Variants in SLC9A9 observed in about 807,000 individuals in gnomAD.
SLC9A9 encodes the protein sodium/hydrogen exchanger 9.
Under a neutral mutation model 77.8 loss-of-function variants are expected in SLC9A9, and 62 were observed. The ratio of observed to expected loss-of-function variants is 0.80; its 90% CI spans 0.65 to 0.98. The LOEUF (loss-of-function observed/expected upper bound fraction) is 0.98, where lower values mean the gene tolerates loss of function less well. Among genes scored for constraint, SLC9A9 ranks in the 50% least tolerant of loss-of-function variants. The pLI, the probability that SLC9A9 is intolerant of heterozygous loss-of-function variation, is 0.00. For missense variants in SLC9A9, 775 were observed against 774.9 expected (o/e 1.00, Z 0.00); for synonymous variants, 320 against 283.5 (o/e 1.13, Z -1.29).
At chr3:143,456,010 G>A (rs528400523) in intron 12 of SLC9A9, among the ~76,000 whole-genome samples, 83 of 151,816 alleles carry the variant, frequency 5.5e-4, no homozygotes, top group African/African-American at 2.0e-3. Flanking sequence ...AAAGCATTTG[G>A]CTTTTCACTA....
In SLC9A9 at chr3:143,372,316, T is replaced by C. The variant is rs561748100; in HGVS notation, c.1525-8753A>G. On this transcript the variant is annotated intron_variant, in intron 13 of 15. Transcript: ENST00000316549. ...CACATTACTGGACTTCCAATTATAC[T>C]ACCAAGGCTACAGTTACCAAAACAG... 2.1e-4 allele frequency among the ~76,000 whole-genome samples: 32 copies of C among 152,284 alleles called. 2 individuals carry two copies. Among genetic ancestry groups the C allele is most frequent in the African/African-American group, 7.0e-4 (29 of 41,582 alleles).
At chr3:143,496,783 G>C (rs1054497479) in intron 9 of SLC9A9, among the ~76,000 whole-genome samples, 1 of 152,200 alleles carries the variant, frequency 6.6e-6, no homozygotes, top group African/African-American at 2.4e-5. Context: ...AGATTTGGCT[G>C]TTGTCTTAAT....
intron 12 of SLC9A9, among the ~76,000 whole-genome samples, chr3:143,430,940 T>C (rs2108535793): frequency 6.6e-6 from 1 of 152,276 alleles, no homozygotes; most frequent in South Asian, 2.1e-4. Flanking sequence ...CAGCACTCTT[T>C]AGAACCAGCA....
intron 5 of SLC9A9, among the ~76,000 whole-genome samples, chr3:143,689,742 T>C (rs949925006): frequency 6.6e-6 from 1 of 151,972 alleles, no homozygotes; most frequent in Admixed American, 6.6e-5. Flanking sequence ...TATAAGGAGA[T>C]CTCCAAAATA....
chr3:143,804,788 G>T (rs927818444), intron 2 of SLC9A9, among the ~76,000 whole-genome samples: 1 of 152,162 alleles, frequency 6.6e-6, no homozygotes. Flanking sequence ...ATTGCTCTAG[G>T]TACTGGAATA....
intron 6 of SLC9A9, among the ~76,000 whole-genome samples, chr3:143,610,424 G>C (rs2038005889): frequency 6.6e-6 from 1 of 152,214 alleles, no homozygotes; most frequent in African/African-American, 2.4e-5. Context: ...TGGGATTACA[G>C]GCATGGGCCA....
chr3:143,492,909 A>C (rs947541696), intron 11 of SLC9A9, among the ~76,000 whole-genome samples: 3 of 152,240 alleles, frequency 2.0e-5, no homozygotes, highest in African/African-American at 4.8e-5. Flanking sequence ...GGATCTCTGC[A>C]AAAGGTCTTT....
chr3:143,269,931 C>A (rs893238543), intron 14 of SLC9A9, among the ~76,000 whole-genome samples: 1 of 152,204 alleles, frequency 6.6e-6, no homozygotes, highest in Non-Finnish European at 1.5e-5. Flanking sequence ...CCATCCATAG[C>A]TGGATAATTC....
At chr3:143,433,329 A>T (rs1252323805) in intron 12 of SLC9A9, among the ~76,000 whole-genome samples, 1 of 152,112 alleles carries the variant, frequency 6.6e-6, no homozygotes, top group East Asian at 1.9e-4. Flanking sequence ...CAGCATGAAG[A>T]TTTATTTTCA....
intron 5 of SLC9A9, among the ~76,000 whole-genome samples, chr3:143,652,785 A>ACG (rs2038820768): frequency 1.5e-5 from 2 of 132,936 alleles, no homozygotes; most frequent in Non-Finnish European, 3.4e-5. Context: ...AAATACACAC[A>ACG]CACACACACA....
intron 8 of SLC9A9, 73 bp from the exon 9 acceptor site, chr3:143,552,523 A>C (rs1525861): frequency 0.098 from 125,969 of 1,290,424 alleles, 7,709 homozygotes; most frequent in African/African-American, 0.23. Flanking sequence ...GGGCTATTCC[A>C]GTTGGAAAAT....
At chr3:143,417,480 T>C (rs1273201666) in intron 12 of SLC9A9, among the ~76,000 whole-genome samples, 1 of 65,590 alleles carries the variant, frequency 1.5e-5, no homozygotes, top group East Asian at 4.7e-4. Context: ...AAAGGGAGAA[T>C]GGAGCGGGGG....
chr3:143,528,549 T>C (rs1329303757), intron 9 of SLC9A9, among the ~76,000 whole-genome samples: 1 of 152,176 alleles, frequency 6.6e-6, no homozygotes, highest in South Asian at 2.1e-4. Flanking sequence ...CCGGTAGTAG[T>C]TGGTCACCCT....
At chr3:143,740,430 T>C (rs1410935751) in intron 4 of SLC9A9, among the ~76,000 whole-genome samples, 1 of 152,214 alleles carries the variant, frequency 6.6e-6, no homozygotes, top group Non-Finnish European at 1.5e-5. Flanking sequence ...TCAATTTTCA[T>C]TAATATGGCT....
At chr3:143,452,702 T>C (rs1660481) in intron 12 of SLC9A9, among the ~76,000 whole-genome samples, 74,507 of 146,518 alleles carry the variant, frequency 0.51, 19,101 homozygotes, top group African/African-American at 0.65. Context: ...CTAGGTGCAA[T>C]GACGGTACTT....
chr3:143,569,121 A>C (rs1284093072), intron 8 of SLC9A9, among the ~76,000 whole-genome samples: 1 of 151,948 alleles, frequency 6.6e-6, no homozygotes, highest in Non-Finnish European at 1.5e-5. Flanking sequence ...TTAATCTAAA[A>C]ATTTAATGTA....
intron 4 of SLC9A9, among the ~76,000 whole-genome samples, chr3:143,699,082 C>A (rs888668973): frequency 2.0e-5 from 3 of 152,174 alleles, no homozygotes; most frequent in Non-Finnish European, 2.9e-5. Context: ...TGTTCAAGGG[C>A]AATCCCTCTC....
intron 5 of SLC9A9, among the ~76,000 whole-genome samples, chr3:143,660,700 GC>G (rs2038964802): frequency 6.6e-6 from 1 of 152,146 alleles, no homozygotes; most frequent in African/African-American, 2.4e-5. Flanking sequence ...AAAACAGTGG[GC>G]AGACCAAGCT....
chr3:143,472,956 CT>C (rs63349261), intron 11 of SLC9A9, among the ~76,000 whole-genome samples: 34,260 of 151,782 alleles, frequency 0.23, 5,022 homozygotes, highest in Non-Finnish European at 0.33. Context: ...GTTACCTCAT[CT>C]AGATTTCTGT....
Sources: gnomAD v4.1 joint callset for allele counts (sites outside exome capture counted in the v4.1 genomes callset) on GRCh38, gnomAD v4.1.1 for gene constraint, MANE v1.5 for transcripts, NCBI Gene and HGNC (gene_info 2026-07-23, HGNC 2026-07-21) for gene names.